The following CA10 variants were observed in gnomAD, a reference collection of about 807,000 sequenced individuals.
The protein encoded by CA10 is carbonic anhydrase-related protein 10.
In CA10, 14 loss-of-function variants were observed where a neutral mutation model predicts 44.2. That is an observed-to-expected ratio of 0.32 (90% CI 0.21 to 0.50). CA10 has a LOEUF of 0.50. CA10 is among the 20% of genes least tolerant of loss of function. The probability of loss-of-function intolerance (pLI) is 0.99; values close to 1 mark genes in which losing one functional copy is unlikely to be tolerated. For synonymous variants in CA10, 159 were observed against 141.6 expected, an observed-to-expected ratio of 1.12 and a Z score of -0.87; for missense variants, 350 against 409.7, an observed-to-expected ratio of 0.85 and a Z score of 1.26.
chr17:51,898,151 A>G (rs1981153576), intron 3 of CA10, among the ~76,000 whole-genome samples: 1 of 152,120 alleles, frequency 6.6e-6, no homozygotes, highest in East Asian at 1.9e-4. Flanking sequence ...TCTGCTTCTC[A>G]AGGGGAATTC....
At chr17:51,873,826 T>C (rs1979927787) in intron 3 of CA10, among the ~76,000 whole-genome samples, 1 of 152,206 alleles carries the variant, frequency 6.6e-6, no homozygotes, top group Non-Finnish European at 1.5e-5. Flanking sequence ...GCCCACCCAA[T>C]GATGTAAATA....
At chr17:51,950,548 C>A (rs1983442926) in intron 2 of CA10, among the ~76,000 whole-genome samples, 1 of 152,112 alleles carries the variant, frequency 6.6e-6, no homozygotes, top group Admixed American at 6.5e-5. Context: ...GTCACACCTC[C>A]TATTGGGTGT....
intron 2 of CA10, among the ~76,000 whole-genome samples, chr17:52,003,912 A>C (rs1315355223): frequency 6.7e-6 from 1 of 149,224 alleles, no homozygotes; most frequent in Non-Finnish European, 1.5e-5. Context: ...AAATATTCAG[A>C]ATAGATACTT....
At position 51,649,181 on chromosome 17, in the gene CA10, C is replaced by T; in HGVS notation, c.634+1G>A. ...TGTGGAGGAAATTGAACCAAACTTA[C>T]TTTTATATGTTATTCTTGTGATAGT... On this transcript the variant is annotated splice_donor_variant, in intron 6 of 8. Transcript: ENST00000451037. LOFTEE classifies it high-confidence loss of function. 1 of 1,610,276 alleles carries T rather than the reference C, an allele frequency of 6.2e-7. No homozygotes were observed. Among genetic ancestry groups the T allele is most frequent in the Non-Finnish European group, 8.5e-7 (1 of 1,176,570 alleles).
chr17:52,035,666 C>T (rs752438022), intron 2 of CA10, among the ~76,000 whole-genome samples: 12 of 152,232 alleles, frequency 7.9e-5, no homozygotes, highest in Non-Finnish European at 1.5e-4. Flanking sequence ...GCACCCCTAC[C>T]TGGATGCTGC....
At chr17:51,985,548 C>CT (rs1437951111) in intron 2 of CA10, among the ~76,000 whole-genome samples, 1 of 151,854 alleles carries the variant, frequency 6.6e-6, no homozygotes, top group African/African-American at 2.4e-5. Flanking sequence ...GGCATCCAAA[C>CT]TGGTAAAGAG....
chr17:51,998,058 C>A (rs187447939), intron 2 of CA10, among the ~76,000 whole-genome samples: 3 of 152,100 alleles, frequency 2.0e-5, no homozygotes, highest in African/African-American at 7.2e-5. Flanking sequence ...GTAGTATCTG[C>A]CAAGGTAAAA....
intron 1 of CA10, among the ~76,000 whole-genome samples, chr17:52,121,043 T>C (rs1989004982): frequency 6.6e-6 from 1 of 152,186 alleles, no homozygotes; most frequent in South Asian, 2.1e-4. Context: ...CCTTCCACTG[T>C]TCTGTTGAAA....
intron 3 of CA10, among the ~76,000 whole-genome samples, chr17:51,866,784 A>C (rs1405252114): frequency 1.3e-5 from 2 of 152,154 alleles, no homozygotes; most frequent in Non-Finnish European, 2.9e-5. Context: ...ATGATGTTTT[A>C]TTTTGTAAAG....
chr17:51,843,808 T>C (rs1290446525), intron 3 of CA10, among the ~76,000 whole-genome samples: 1 of 152,164 alleles, frequency 6.6e-6, no homozygotes, highest in Non-Finnish European at 1.5e-5. Context: ...GGAGTTCTTA[T>C]TACCTGGTTT....
intron 6 of CA10, among the ~76,000 whole-genome samples, chr17:51,645,125 T>G (rs1474257769): frequency 6.6e-6 from 1 of 152,102 alleles, no homozygotes; most frequent in Non-Finnish European, 1.5e-5. Flanking sequence ...ATATATCCAA[T>G]TATTTCTCAC....
intron 4 of CA10, among the ~76,000 whole-genome samples, chr17:51,694,075 A>G (rs1238411463): frequency 1.3e-5 from 2 of 152,054 alleles, no homozygotes; most frequent in Admixed American, 6.6e-5. Flanking sequence ...GTGGTGGTGC[A>G]TGCCTGCAAT....
intron 3 of CA10, among the ~76,000 whole-genome samples, chr17:51,930,267 A>T (rs1452830605): frequency 6.6e-6 from 1 of 152,072 alleles, no homozygotes; most frequent in African/African-American, 2.4e-5. Context: ...AATTTTCTGC[A>T]TGTGCATTTT....
intron 3 of CA10, among the ~76,000 whole-genome samples, chr17:51,921,656 C>G (rs1441162020): frequency 6.6e-6 from 1 of 152,146 alleles, no homozygotes; most frequent in Non-Finnish European, 1.5e-5. Context: ...AAGGGTATTG[C>G]ATGACAATGG....
At chr17:52,064,885 A>G (rs1246070498) in intron 2 of CA10, among the ~76,000 whole-genome samples, 2 of 152,230 alleles carry the variant, frequency 1.3e-5, no homozygotes, top group Non-Finnish European at 2.9e-5. Flanking sequence ...AAGCTGCTGA[A>G]TAAGTGGTGA....
At chr17:52,075,480 T>G (rs919499511) in intron 1 of CA10, among the ~76,000 whole-genome samples, 2 of 152,190 alleles carry the variant, frequency 1.3e-5, no homozygotes, top group African/African-American at 4.8e-5. Context: ...AATAAAACTT[T>G]GTAAGACATG....
intron 4 of CA10, among the ~76,000 whole-genome samples, chr17:51,660,377 C>T (rs550878238): frequency 9.2e-5 from 14 of 152,278 alleles, no homozygotes; most frequent in South Asian, 2.1e-4. Context: ...CTTTGGTGAC[C>T]GGTAACTCAG....
intron 3 of CA10, among the ~76,000 whole-genome samples, chr17:51,871,626 C>A (rs1259555597): frequency 1.3e-5 from 2 of 150,974 alleles, no homozygotes; most frequent in Non-Finnish European, 3.0e-5. Context: ...CTCAGGTGAT[C>A]CACCTGCCTC....
At chr17:52,034,063 C>T (rs1261753438) in intron 2 of CA10, among the ~76,000 whole-genome samples, 1 of 152,120 alleles carries the variant, frequency 6.6e-6, no homozygotes, top group Non-Finnish European at 1.5e-5. Flanking sequence ...GTCAAGGGTA[C>T]AAAGCACTTT....
Sources: allele counts gnomAD v4.1 joint callset (sites outside exome capture counted in the v4.1 genomes callset), GRCh38; gene constraint gnomAD v4.1.1; transcripts MANE v1.5; gene names NCBI Gene and HGNC (gene_info 2026-07-23, HGNC 2026-07-21).